The following OGFOD1 variants were observed in gnomAD, a reference collection of about 807,000 sequenced individuals.
The protein encoded by OGFOD1 is 2-oxoglutarate and iron dependent oxygenase domain containing 1, also known as prolyl 3-hydroxylase OGFOD1.
A neutral mutation model predicts 67.7 loss-of-function variants in OGFOD1; 54 were observed. The ratio of observed to expected loss-of-function variants is 0.80; its 90% CI spans 0.64 to 1.00. The LOEUF is 1.00. Among genes scored for constraint, OGFOD1 ranks in the 50% least tolerant of loss-of-function variants. OGFOD1 has a pLI of 0.00. For missense variants in OGFOD1, 606 were observed against 646.7 expected, an observed-to-expected ratio of 0.94 and a Z score of 0.68; for synonymous variants, 221 against 227.0, an observed-to-expected ratio of 0.97 and a Z score of 0.24.
intron 10 of OGFOD1, among the ~76,000 whole-genome samples, chr16:56,473,408 T>C (rs1187922447): frequency 6.6e-6 from 1 of 152,244 alleles, no homozygotes; most frequent in Middle Eastern, 3.2e-3. Context: ...TTAGATTTTT[T>C]CCAGTTCTTC....
intron 2 of OGFOD1, among the ~76,000 whole-genome samples, chr16:56,456,057 A>G (rs1962513131): frequency 1.3e-5 from 2 of 152,126 alleles, no homozygotes; most frequent in Admixed American, 1.3e-4. Context: ...CGCTTGTACT[A>G]CTGCACTGAA....
At chr16:56,460,215 C>T (rs1962666862) in intron 3 of OGFOD1, among the ~76,000 whole-genome samples, 2 of 152,216 alleles carry the variant, frequency 1.3e-5, no homozygotes. Flanking sequence ...AGTTACATTC[C>T]ACACTAAAGG....
intron 2 of OGFOD1, 109 bp downstream of exon 2, chr16:56,453,517 T>C (rs1280310489): frequency 9.4e-7 from 1 of 1,060,124 alleles, no homozygotes; most frequent in East Asian, 2.5e-5. Flanking sequence ...CCTTGAACAG[T>C]CCTTGCATTG....
chr16:56,464,359 A>G (rs1405566390), intron 4 of OGFOD1, among the ~76,000 whole-genome samples: 2 of 152,112 alleles, frequency 1.3e-5, no homozygotes, highest in East Asian at 3.9e-4. Context: ...CCCTATCAGT[A>G]TATATTTTGT....
In OGFOD1 at chr16:56,478,657, A is replaced by G. The variant is rs1191340495; in HGVS notation, c.*2452A>G. The stretch of plus-strand genomic sequence containing the variant: ...ATGGCTGTAGGCACCATCCAAGGCC[A>G]ATTTTCCAATTCTGGAAAGCCAAAT... On this transcript the variant is annotated 3_prime_UTR_variant, in exon 13 of 13. Coordinates refer to ENST00000566157, the MANE Select transcript of OGFOD1 (RefSeq NM_018233.4). 1 of 152,248 alleles carries G rather than the reference A, an allele frequency of 6.6e-6. No individual in the cohort carries two copies. Among genetic ancestry groups the G allele is most frequent in the Non-Finnish European group, 1.5e-5 (1 of 68,044 alleles). 9.4% of individuals were successfully genotyped at this position (152,248 alleles called of 1,614,324 possible).
chr16:56,470,292 T>G (rs1413635822), intron 9 of OGFOD1, 195 bp from the exon 10 acceptor site: 2 of 665,434 alleles, frequency 3.0e-6, no homozygotes, highest in East Asian at 5.4e-5. Flanking sequence ...CTAATGATGT[T>G]TTGTTCTCAG....
chr16:56,454,812 G>T (rs537428757), intron 2 of OGFOD1: 1 of 443,812 alleles, frequency 2.3e-6, no homozygotes, highest in South Asian at 1.6e-5. Context: ...ACCTTCCCCA[G>T]ATCTTTCTGT....
intron 9 of OGFOD1, 61 bp downstream of exon 9, chr16:56,470,143 A>C (rs1963101038): frequency 2.1e-6 from 3 of 1,439,826 alleles, no homozygotes; most frequent in South Asian, 2.4e-5. Context: ...TTTTTTTATA[A>C]CTAGTAAAAT....
intron 3 of OGFOD1, among the ~76,000 whole-genome samples, chr16:56,461,457 A>G (rs763630588): frequency 6.6e-6 from 1 of 152,170 alleles, no homozygotes; most frequent in Non-Finnish European, 1.5e-5. Flanking sequence ...TCCTTTTATA[A>G]TAAACTGGTA....
Position 56,476,187 on chromosome 16 carries a change from A to T in OGFOD1, c.1611A>T (p.Ser537=). 1 of 1,612,054 alleles carries T rather than the reference A, an allele frequency of 6.2e-7. No homozygotes were observed. Among genetic ancestry groups the T allele is most frequent in the African/African-American group, 1.3e-5 (1 of 74,910 alleles). ...ACAGAACAGGTTTCTGGGACTTTTC[A>T]TTCATCTATTATGAATGACAGCACT... The part of the protein sequence containing the change: ...FPNRTGFWDF[S]FIYYE Residue 537 remains serine, a synonymous_variant, in exon 13 of 13, where the codon TCA becomes TCT. Transcript: ENST00000566157.
intron 2 of OGFOD1, among the ~76,000 whole-genome samples, chr16:56,457,075 T>C (rs1962547020): frequency 2.0e-5 from 3 of 152,196 alleles, no homozygotes; most frequent in Non-Finnish European, 4.4e-5. Context: ...TCTTTTAAAA[T>C]GTAAATAGAC....
At chr16:56,458,479 A>G in intron 2 of OGFOD1, 69 bp from the exon 3 acceptor site, 1 of 1,408,560 alleles carries the variant, frequency 7.1e-7, no homozygotes, top group Non-Finnish European at 1.0e-6. Flanking sequence ...AACACTCACT[A>G]AACTGCTCTC....
intron 2 of OGFOD1, chr16:56,458,193 C>T (rs748852465): frequency 5.1e-5 from 13 of 253,562 alleles, no homozygotes; most frequent in Non-Finnish European, 9.2e-5. Context: ...AACCACTCCC[C>T]AGGCTTAGCA....
chr16:56,465,957 T>G (rs1245864346), intron 4 of OGFOD1, 195 bp from the exon 5 acceptor site: 2 of 504,522 alleles, frequency 4.0e-6, no homozygotes, highest in East Asian at 6.6e-5. Context: ...TGCTCTTTAT[T>G]TTTAGAGTTT....
At chr16:56,466,743 T>C in intron 5 of OGFOD1, 133 bp from the exon 6 acceptor site, 1 of 701,224 alleles carries the variant, frequency 1.4e-6, no homozygotes, top group Admixed American at 2.1e-5. Context: ...GTGAAGCAGA[T>C]GGAAAGGGCG....
At chr16:56,455,375 A>C (rs1265713816) in intron 2 of OGFOD1, among the ~76,000 whole-genome samples, 51 of 152,248 alleles carry the variant, frequency 3.3e-4, no homozygotes, top group African/African-American at 9.6e-4. Context: ...TCAAAAAAAA[A>C]AAAACAAAAC....
rs565852759 is a variant in OGFOD1 at position 56,464,652 on chromosome 16, C to T, written c.449-1500C>T. ...ATCATTATATTGATGCTCATACTGT[C>T]CCTGATTTATCAAGGAGAACCCCGT... is the stretch of plus-strand genomic sequence containing the variant. On this transcript the variant is annotated intron_variant, in intron 4 of 12. Coordinates refer to ENST00000566157, the MANE Select transcript of OGFOD1 (RefSeq NM_018233.4). Among the ~76,000 whole-genome samples, 54 of 152,188 alleles carry T rather than the reference C, an allele frequency of 3.5e-4. No homozygotes were observed. In the South Asian group the frequency reaches 0.011, roughly 31 times the overall value.
intron 2 of OGFOD1, among the ~76,000 whole-genome samples, chr16:56,454,025 T>A (rs1237414038): frequency 6.6e-6 from 1 of 152,138 alleles, no homozygotes; most frequent in Non-Finnish European, 1.5e-5. Flanking sequence ...TGAAGAGAGT[T>A]GTACGTTGGG....
intron 2 of OGFOD1, among the ~76,000 whole-genome samples, chr16:56,453,956 G>C (rs780460401): frequency 6.6e-6 from 1 of 152,168 alleles, no homozygotes; most frequent in Non-Finnish European, 1.5e-5. Context: ...AAATTAAGCC[G>C]ATGAGTAAGT....
Sources: allele counts gnomAD v4.1 joint callset (sites outside exome capture counted in the v4.1 genomes callset), GRCh38; gene constraint gnomAD v4.1.1; transcripts MANE v1.5; gene names NCBI Gene and HGNC (gene_info 2026-07-23, HGNC 2026-07-21).